The following AHDC1 variants were observed in gnomAD, a reference collection of about 807,000 sequenced individuals.
AHDC1 encodes AT-hook DNA binding motif containing 1, also known as transcription factor Gibbin.
A neutral mutation model predicts 87.9 loss-of-function variants in AHDC1; 7 were observed. The observed-to-expected ratio is 0.08, with a 90% confidence interval of 0.05 to 0.15. AHDC1 has a LOEUF of 0.15. Among genes scored for constraint, AHDC1 ranks in the 10% least tolerant of loss-of-function variants. AHDC1 has a pLI of 1.00. For missense variants in AHDC1, 1,841 were observed against 2,253.2 expected (o/e 0.82, Z 3.70); for synonymous variants, 1,051 against 1,006.8 (o/e 1.04, Z -0.83).
At position 27,563,124 on chromosome 1, in the gene AHDC1, C is replaced by T. The variant is rs200230926; in HGVS notation, c.-628-4241G>A. 6.9e-4 allele frequency among the ~76,000 whole-genome samples: 103 copies of T among 150,072 alleles called. 2 individuals carry two copies. The East Asian group carries it at 0.019, about 28-fold the overall frequency. On this transcript the variant is annotated intron_variant, in intron 3 of 8. Coordinates refer to ENST00000673934, the MANE Select transcript of AHDC1 (RefSeq NM_001371928.1). The surrounding 1 kb of genome is among the most constrained non-coding windows in gnomAD (Gnocchi z 6.1). ...CACAGCTGACCAAGACACACACACA[C>T]GCACGCACGCATGCATGCACACACC...
chr1:27,556,781 G>A (rs2019835228), intron 5 of AHDC1, among the ~76,000 whole-genome samples: 1 of 152,056 alleles, frequency 6.6e-6, no homozygotes, highest in South Asian at 2.1e-4. Flanking sequence ...GCCCTCCCCT[G>A]CAGCCTCCTA....
At chr1:27,589,447 A>G (rs2089161369) in intron 3 of AHDC1, among the ~76,000 whole-genome samples, 1 of 151,954 alleles carries the variant, frequency 6.6e-6, no homozygotes, top group African/African-American at 2.4e-5. Context: ...GTGGGTGTCT[A>G]TGTGTGTCCT....
intron 5 of AHDC1, among the ~76,000 whole-genome samples, chr1:27,555,874 C>T (rs1292155599): frequency 6.6e-6 from 1 of 152,178 alleles, no homozygotes; most frequent in Non-Finnish European, 1.5e-5. Context: ...GGCACGTCCT[C>T]CTGCCAGGCC....
chr1:27,549,205 A>G lies in AHDC1; in HGVS notation c.2911T>C (p.Tyr971His). The G allele has an allele frequency of 6.2e-7, 1 of 1,600,636 alleles. No individual in the cohort carries two copies. The highest frequency in any genetic ancestry group is 1.3e-5 in the African/African-American group (1 of 74,876). The change falls in exon 8 of 9, where the codon TAC (tyrosine) becomes CAC (histidine). Residue 971 changes from tyrosine to histidine, a missense_variant. Tyr to His is a moderately conservative substitution (Grantham distance 83, BLOSUM62 2). Transcript: ENST00000673934. ...HPPANTYLPQ[Y>H]GGYGAGQSVF... ...CTTTGTCCGGCCCCATAGCCGCCGT[A>G]CTGGGGCAGGTAGGTGTTGGCAGGC...
chr1:27,547,923 T>C lies in AHDC1; in HGVS notation c.4193A>G (p.Tyr1398Cys). ...CAGTGTAGGCGAGCAGGTGGGCGAG[T>C]ATGCCTTCTGCAGGCCGGCGTCAAA... ...TVFDAGLQKAYSPTCSPTLGF... is the reference protein window; with the variant it reads ...TVFDAGLQKACSPTCSPTLGF... The change falls in exon 8 of 9, where the codon TAC becomes TGC. Residue 1398 changes from tyrosine to cysteine, a missense_variant. Coordinates refer to ENST00000673934, the MANE Select transcript of AHDC1 (RefSeq NM_001371928.1). This position sits in a 1 kb window ranked among gnomAD's most constrained non-coding sequence, Gnocchi z 4.9. The C allele has an allele frequency of 6.3e-7, 1 of 1,575,424 alleles. No homozygotes were observed. Among genetic ancestry groups the C allele is most frequent in the Non-Finnish European group, 8.6e-7 (1 of 1,157,122 alleles).
chr1:27,575,851 CCCCGGCCCGCCAGGCCGGGCCCT>C (rs2088715742), intron 3 of AHDC1, among the ~76,000 whole-genome samples: 1 of 151,254 alleles, frequency 6.6e-6, no homozygotes, highest in African/African-American at 2.4e-5. Context: ...TTTTCCTGGC[CCCCGGCCCGCCAGGCCGGGCCCT>C]CTGCTGCCCG....
At chr1:27,569,268 CTTG>C (rs2020465559) in intron 3 of AHDC1, among the ~76,000 whole-genome samples, 5 of 152,226 alleles carry the variant, frequency 3.3e-5, no homozygotes, top group Non-Finnish European at 2.9e-5. Context: ...TCCAATAAGG[CTTG>C]TTAAGGTTAC....
intron 5 of AHDC1, chr1:27,553,487 G>C (rs2019668721): frequency 6.6e-6 from 1 of 152,158 alleles, no homozygotes; most frequent in Non-Finnish European, 1.5e-5. Flanking sequence ...AAGAAAAAGT[G>C]AAGATGCCTG....
At chr1:27,537,653 G>A (rs770600112) in intron 8 of AHDC1, among the ~76,000 whole-genome samples, 1 of 152,162 alleles carries the variant, frequency 6.6e-6, no homozygotes, top group Non-Finnish European at 1.5e-5. Context: ...GAACCTATAT[G>A]TGGTACTGCT....
At chr1:27,573,407 C>T (rs2088606513) in intron 3 of AHDC1, among the ~76,000 whole-genome samples, 1 of 152,160 alleles carries the variant, frequency 6.6e-6, no homozygotes, top group Admixed American at 6.5e-5. Context: ...GTGGTAAAGA[C>T]ACTGGGGAGT....
chr1:27,585,573 C>G (rs1322585414), intron 3 of AHDC1, among the ~76,000 whole-genome samples: 1 of 152,224 alleles, frequency 6.6e-6, no homozygotes, highest in Non-Finnish European at 1.5e-5. Flanking sequence ...GGGTACAGAG[C>G]TAGTGACAAA....
In AHDC1 at chr1:27,585,141, T is replaced by C. The variant is rs551919066; in HGVS notation, c.-629+18256A>G. Among the ~76,000 whole-genome samples, 8 of 150,580 alleles carry C rather than the reference T, an allele frequency of 5.3e-5. 1 individual carries two copies. Among genetic ancestry groups the C allele is most frequent in the Admixed American group, 4.0e-4 (6 of 15,016 alleles). The stretch of plus-strand genomic sequence containing the variant: ...AGGCAGGTGTGGTGGTGCACACCTG[T>C]AGTCCCAGCTACTTGAGAAGAGAAT... On this transcript the variant is annotated intron_variant, in intron 3 of 8. Coordinates refer to ENST00000673934, the MANE Select transcript of AHDC1 (RefSeq NM_001371928.1).
At chr1:27,582,110 G>A (rs1361590252) in intron 3 of AHDC1, among the ~76,000 whole-genome samples, 1 of 152,204 alleles carries the variant, frequency 6.6e-6, no homozygotes, top group Non-Finnish European at 1.5e-5. Context: ...CTGCTCTCCA[G>A]CGCAGCTCCA....
At chr1:27,574,475 G>GT (rs1465176611) in intron 3 of AHDC1, among the ~76,000 whole-genome samples, 2 of 152,182 alleles carry the variant, frequency 1.3e-5, no homozygotes, top group Non-Finnish European at 2.9e-5. Context: ...GTGTTATCTA[G>GT]TTTTTCACGT....
At chr1:27,569,029 C>G (rs2020452563) in intron 3 of AHDC1, among the ~76,000 whole-genome samples, 1 of 151,904 alleles carries the variant, frequency 6.6e-6, no homozygotes, top group Non-Finnish European at 1.5e-5. Flanking sequence ...AGAGCCCTGC[C>G]CTGAACCCCC....
In AHDC1 at chr1:27,561,660, C is replaced by G. The variant is rs2020089706; in HGVS notation, c.-628-2777G>C. On this transcript the variant is annotated intron_variant, in intron 3 of 8. Transcript: ENST00000673934. The surrounding 1 kb of genome is among the most constrained non-coding windows in gnomAD (Gnocchi z 4.2). ...GGAGATTTGTTCTGGTTGCAGACAC[C>G]AGCCGAGACCACACAAGAGAGAGAG... Among the ~76,000 whole-genome samples the G allele has an allele frequency of 2.0e-5, 3 of 151,994 alleles. No individual in the cohort carries two copies. The South Asian group carries it at 6.3e-4, about 32-fold the overall frequency.
chr1:27,550,078 C>T lies in AHDC1; in HGVS notation c.2038G>A (p.Gly680Arg), dbSNP rs1347098393. ...CGGGCTGACTTGGCCGCATGGCCCC[C>T]ACCCCGGCCACCAAAACCGCCTGCT... is the stretch of plus-strand genomic sequence containing the variant. ...GKAGGFGGRG[G>R]GHAAKSARCS... Residue 680 changes from glycine (G) to arginine (R), a missense_variant, in exon 8 of 9, where the codon GGG becomes AGG. Physicochemically the swap from Gly to Arg is moderately radical, Grantham distance 125. This residue lies in a region of AHDC1 where 236 missense variants were observed against 257.9 expected (regional missense o/e 0.92). Transcript: ENST00000673934. The T allele has an allele frequency of 3.7e-6, 6 of 1,608,394 alleles. No homozygotes were observed. Among genetic ancestry groups the T allele is most frequent in the East Asian group, 2.2e-5 (1 of 44,780 alleles).
Position 27,550,825 on chromosome 1 carries a change from G to A in AHDC1, c.1291C>T (p.Pro431Ser), listed in dbSNP as rs1341958620. 1.3e-6 allele frequency: 2 copies of A among 1,565,216 alleles called. No homozygotes were observed. Among genetic ancestry groups the A allele is most frequent in the Non-Finnish European group, 1.7e-6 (2 of 1,157,390 alleles). Residue 431 changes from proline (P) to serine (S), a missense_variant, in exon 8 of 9, where the codon CCA (proline) becomes TCA (serine). Transcript: ENST00000673934. Reference protein sequence around the residue: ...GLVAALAEPPPPPPPPPPALP... With the variant: ...GLVAALAEPPSPPPPPPPALP... ...GCAGGGGGTGGAGGAGGCGGTGGTG[G>A]TGGGGGTTCGGCCAGGGCAGCCACC...
Position 27,598,958 on chromosome 1 carries a change from C to T in AHDC1, c.-629+4439G>A, listed in dbSNP as rs1356886625. On this transcript the variant is annotated intron_variant, in intron 3 of 8. Coordinates refer to ENST00000673934, the MANE Select transcript of AHDC1 (RefSeq NM_001371928.1). This position sits in a 1 kb window ranked among gnomAD's most constrained non-coding sequence, Gnocchi z 4.2. Reference sequence around the variant, plus strand: ...TCCCTGGCTACTCTGTCCCTGTCCCCCACTCCCTCTCCAATAGCTCACAGT... The same window carrying T: ...TCCCTGGCTACTCTGTCCCTGTCCCTCACTCCCTCTCCAATAGCTCACAGT... Among the ~76,000 whole-genome samples, 1 of 152,208 alleles carries T rather than the reference C, an allele frequency of 6.6e-6. No individual in the cohort carries two copies. The highest frequency in any genetic ancestry group is 6.5e-5 in the Admixed American group (1 of 15,288).
Sources: allele counts gnomAD v4.1 joint callset (sites outside exome capture counted in the v4.1 genomes callset), GRCh38; gene constraint gnomAD v4.1.1; regional missense constraint gnomAD v4.1.1; non-coding constraint Gnocchi (gnomAD v3.1); transcripts MANE v1.5; gene names NCBI Gene and HGNC (gene_info 2026-07-23, HGNC 2026-07-21).